Variants in CASKIN1 observed in about 807,000 individuals in gnomAD.
The protein encoded by CASKIN1 is caskin-1.
Under a neutral mutation model 117.5 loss-of-function variants are expected in CASKIN1, and 42 were observed. That is an observed-to-expected ratio of 0.36 (90% CI 0.28 to 0.46). The LOEUF (loss-of-function observed/expected upper bound fraction) is 0.46, where lower values mean the gene tolerates loss of function less well. Ranked by LOEUF, CASKIN1 falls within the 20% of genes least tolerant of loss-of-function variation. CASKIN1 has a pLI of 1.00. For synonymous variants in CASKIN1, 1,148 were observed against 961.7 expected (o/e 1.19, Z -3.59); for missense variants, 2,083 against 2,077.3 (o/e 1.00, Z -0.05).
In CASKIN1 at chr16:2,179,283, T is replaced by C; in HGVS notation, c.3818A>G (p.Lys1273Arg). ...GGGCGCTGTGGGCGGCGGCGGCGGCTTGGGAGACACGGGCGGTGGCGTGCC... is the reference window on the plus strand; with the variant it reads ...GGGCGCTGTGGGCGGCGGCGGCGGCCTGGGAGACACGGGCGGTGGCGTGCC... ...AHGTPPPVSP[K>R]PPPPPTAPKP... The change falls in exon 19 of 20, where the codon AAG becomes AGG. Residue 1273 changes from lysine to arginine, a missense_variant. By Grantham distance (26) the Lys-to-Arg change is conservative. Around this residue, in one of 3 missense-constraint regions of CASKIN1, gnomAD observed 1,818 missense variants for 1,688.9 expected, o/e 1.08. Coordinates refer to ENST00000343516, the MANE Select transcript of CASKIN1 (RefSeq NM_020764.4). The surrounding 1 kb of genome is among the most constrained non-coding windows in gnomAD (Gnocchi z 5.8). 2.5e-6 allele frequency: 3 copies of C among 1,222,280 alleles called. No homozygotes were observed. Among genetic ancestry groups the C allele is most frequent in the Non-Finnish European group, 3.1e-6 (3 of 982,436 alleles). 75.7% of individuals were successfully genotyped at this position (1,222,280 alleles called of 1,614,324 possible).
intron 10 of CASKIN1, among the ~76,000 whole-genome samples, chr16:2,186,488 G>A (rs977239760): frequency 6.6e-6 from 1 of 152,200 alleles, no homozygotes; most frequent in Non-Finnish European, 1.5e-5. Flanking sequence ...TTCAGAACCA[G>A]ACATGGCAGC....
rs1224358884 is a variant in CASKIN1, at chr16:2,183,937, G to C, written c.1421C>G (p.Ser474Cys). 6.3e-7 allele frequency: 1 copy of C among 1,599,276 alleles called. No homozygotes were observed. The highest frequency in any genetic ancestry group is 1.1e-5 in the South Asian group (1 of 90,740). Reference protein sequence around the residue: ...KLEPASEGKSSEAVSQWLTAF... With the variant: ...KLEPASEGKSCEAVSQWLTAF... ...GGTGAGCCACTGGCTCACGGCCTCA[G>C]AGCTCTGGAAGACACAAGGCACCCA... Residue 474 changes from serine to cysteine, a missense_variant, in exon 15 of 20, where the codon TCT becomes TGT. Ser to Cys is a moderately radical substitution (Grantham distance 112). Around this residue, in one of 3 missense-constraint regions of CASKIN1, gnomAD observed 1,818 missense variants for 1,688.9 expected, o/e 1.08. Coordinates refer to ENST00000343516, the MANE Select transcript of CASKIN1 (RefSeq NM_020764.4).
At chr16:2,191,163 A>G (rs1326792091) in intron 1 of CASKIN1, among the ~76,000 whole-genome samples, 2 of 152,190 alleles carry the variant, frequency 1.3e-5, no homozygotes, top group Admixed American at 6.5e-5. Context: ...TACATAACCC[A>G]TTTGTGGGTC....
At position 2,181,503 on chromosome 16, in the gene CASKIN1, GCCTTCCGGCGCAGGGGGC is replaced by G. The variant is rs1482512856; in HGVS notation, c.1847_1864del (p.Gly616_Lys621del). On this transcript the variant is annotated inframe_deletion, in exon 18 of 20. Coordinates refer to ENST00000343516, the MANE Select transcript of CASKIN1 (RefSeq NM_020764.4). Reference sequence around the variant, plus strand: ...GGCCATCACTTCAAGAGACTGGGGCGCCTTCCGGCGCAGGGGGCCCCCCTCATACTTGGCGTATTCAGC... The same window carrying G: ...GGCCATCACTTCAAGAGACTGGGGCGCCCCCTCATACTTGGCGTATTCAGC... 6.2e-7 allele frequency: 1 copy of G among 1,609,896 alleles called. No homozygotes were observed. The highest frequency in any genetic ancestry group is 8.5e-7 in the Non-Finnish European group (1 of 1,179,382).
Position 2,179,666 on chromosome 16 carries a change from C to A in CASKIN1, c.3702G>T (p.Gln1234His). Residue 1234 changes from glutamine to histidine, a missense_variant, in exon 18 of 20, where the codon CAG becomes CAT. Around this residue, in one of 3 missense-constraint regions of CASKIN1, gnomAD observed 1,818 missense variants for 1,688.9 expected, o/e 1.08. Coordinates refer to ENST00000343516, the MANE Select transcript of CASKIN1 (RefSeq NM_020764.4). The surrounding 1 kb of genome is among the most constrained non-coding windows in gnomAD (Gnocchi z 5.8). ...GCGAGCCCTGGAGCTTGGGCACAGG[C>A]TGCGTCAGGACGGGCTTGGGAGAGA... ...PPVSPKPVLT[Q>H]PVPKLQGSPT... 1.3e-6 allele frequency: 2 copies of A among 1,513,718 alleles called. No individual in the cohort carries two copies. Among genetic ancestry groups the A allele is most frequent in the Non-Finnish European group, 8.8e-7 (1 of 1,137,586 alleles). 93.8% of individuals were successfully genotyped at this position (1,513,718 alleles called of 1,614,324 possible). A position where few individuals can be genotyped will look rare whatever the true frequency, so the allele number is the denominator to read the frequency against.
intron 1 of CASKIN1, among the ~76,000 whole-genome samples, 188 bp from the exon 2 acceptor site, chr16:2,190,546 C>G (rs1187534916): frequency 6.6e-6 from 1 of 152,248 alleles, no homozygotes; most frequent in Non-Finnish European, 1.5e-5. Flanking sequence ...CCCCAGGTGC[C>G]AGCTGCTCGG....
At position 2,180,787 on chromosome 16, in the gene CASKIN1, G is replaced by T; in HGVS notation, c.2581C>A (p.Pro861Thr). 1 of 1,411,264 alleles carries T rather than the reference G, an allele frequency of 7.1e-7. No individual in the cohort carries two copies. Among genetic ancestry groups the T allele is most frequent in the Admixed American group, 3.2e-5 (1 of 30,898 alleles). 87.4% of individuals were successfully genotyped at this position (1,411,264 alleles called of 1,614,324 possible). ...PAPPPVPTAVPTLCLPPEADA... is the reference protein window; with the variant it reads ...PAPPPVPTAVTTLCLPPEADA... The stretch of plus-strand genomic sequence containing the variant: ...GCCTCAGGGGGCAGGCACAGTGTGG[G>T]CACAGCCGTCGGCACGGGTGGGGGC... Residue 861 changes from proline (P) to threonine (T), a missense_variant, in exon 18 of 20, where the codon CCC becomes ACC. Pro to Thr is a conservative substitution (Grantham distance 38). Around this residue, in one of 3 missense-constraint regions of CASKIN1, gnomAD observed 1,818 missense variants for 1,688.9 expected, o/e 1.08. Transcript: ENST00000343516.
Position 2,178,945 on chromosome 16 carries a change from C to T in CASKIN1, c.4156G>A (p.Ala1386Thr). 4 of 1,491,860 alleles carry T rather than the reference C, an allele frequency of 2.7e-6. No individual in the cohort carries two copies. The highest frequency in any genetic ancestry group is 3.5e-6 in the Non-Finnish European group (4 of 1,130,368). The allele number at this position is 1,491,860 out of a possible 1,614,324, so 92.4% of individuals were successfully genotyped here. The change falls in exon 19 of 20, where the codon GCG becomes ACG. Residue 1386 changes from alanine (A) to threonine (T), a missense_variant. Ala to Thr is a moderately conservative substitution (Grantham distance 58, BLOSUM62 0). This residue lies in a region of CASKIN1 where 1,818 missense variants were observed against 1,688.9 expected (regional missense o/e 1.08). Coordinates refer to ENST00000343516, the MANE Select transcript of CASKIN1 (RefSeq NM_020764.4). ...TCCTGCCGGATCTTCTCCTCCACCG[C>T]CTGCAGCGCCGCGGCCAGGCACGCG... is the stretch of plus-strand genomic sequence containing the variant. ...TSACLAAALQAVEEKIRQEDA... is the reference protein window; with the variant it reads ...TSACLAAALQTVEEKIRQEDA...
chr16:2,179,530 AC>A lies in CASKIN1; in HGVS notation c.3775+62del. 7.1e-7 allele frequency: 1 copy of A among 1,401,822 alleles called. No homozygotes were observed. The highest frequency in any genetic ancestry group is 1.5e-5 in the African/African-American group (1 of 66,754). 86.8% of individuals were successfully genotyped at this position (1,401,822 alleles called of 1,614,324 possible). On this transcript the variant is annotated intron_variant, in intron 18 of 19. Coordinates refer to ENST00000343516, the MANE Select transcript of CASKIN1 (RefSeq NM_020764.4). The surrounding 1 kb of genome is among the most constrained non-coding windows in gnomAD (Gnocchi z 5.8). ...ACCCAAGAAAAGGAAAACCCCTCAG[AC>A]CACCGAGTAAGGAGGTGGAGCAGGG...
At chr16:2,189,956 C>G (rs1238729443) in intron 3 of CASKIN1, 117 bp downstream of exon 3, 2 of 998,306 alleles carry the variant, frequency 2.0e-6, no homozygotes, top group African/African-American at 3.2e-5. Context: ...GAGGACCTGC[C>G]TGAAATCAGA....
rs1298086955 is a variant in CASKIN1, at chr16:2,179,856, T to C, written c.3512A>G (p.His1171Arg). The C allele has an allele frequency of 2.5e-6, 4 of 1,607,154 alleles. No individual in the cohort carries two copies. In the African/African-American group the frequency reaches 5.3e-5, roughly 21 times the overall value. The stretch of plus-strand genomic sequence containing the variant: ...GCGGCGCACGGTGCCAGTGCCATTA[T>C]GGTACACGGACAGTGGCGGTGGTGG... ...PEPPPPLSVY[H>R]NGTGTVRRRP... is the part of the protein sequence containing the mutation. The change falls in exon 18 of 20, where the codon CAT becomes CGT. Residue 1171 changes from histidine to arginine, a missense_variant. Transcript: ENST00000343516. The surrounding 1 kb of genome is among the most constrained non-coding windows in gnomAD (Gnocchi z 5.8).
At position 2,186,989 on chromosome 16, in the gene CASKIN1, C is replaced by T. The variant is rs1467263227; in HGVS notation, c.919G>A (p.Asp307Asn). ...GGGGCCATGCTTACTGTGATGATGT[C>T]CCCTGCCTTCACGTTGAGGCTGGTC... ...DLTSLNVKAG[D>N]IITVLEQHPD... The change falls in exon 9 of 20, where the codon GAC becomes AAC. Residue 307 changes from aspartate to asparagine, a missense_variant. Around this residue, in one of 3 missense-constraint regions of CASKIN1, gnomAD observed 1,818 missense variants for 1,688.9 expected, o/e 1.08. Transcript: ENST00000343516. 1 of 1,613,738 alleles carries T rather than the reference C, an allele frequency of 6.2e-7. No individual in the cohort carries two copies. The highest frequency in any genetic ancestry group is 1.7e-5 in the Admixed American group (1 of 60,012).
At position 2,181,532 on chromosome 16, in the gene CASKIN1, C is replaced by G. The variant is rs2093168102; in HGVS notation, c.1836G>C (p.Lys612Asn). The G allele has an allele frequency of 6.2e-7, 1 of 1,602,470 alleles. No individual in the cohort carries two copies. Among genetic ancestry groups the G allele is most frequent in the Admixed American group, 1.7e-5 (1 of 58,572 alleles). ...TCCGGCGCAGGGGGCCCCCCTCATA[C>G]TTGGCGTATTCAGCCTTCTGCAGCT... is the stretch of plus-strand genomic sequence containing the variant. Reference protein sequence around the residue: ...LAELQKAEYAKYEGGPLRRKA... With the variant: ...LAELQKAEYANYEGGPLRRKA... Residue 612 changes from lysine to asparagine, a missense_variant, in exon 18 of 20, where the codon AAG becomes AAC. Physicochemically the swap from Lys to Asn is moderately conservative, Grantham distance 94 (BLOSUM62 0). This residue lies in a region of CASKIN1 where 1,818 missense variants were observed against 1,688.9 expected (regional missense o/e 1.08). Transcript: ENST00000343516.
At chr16:2,195,817 A>AG (rs2093213997) in intron 1 of CASKIN1, among the ~76,000 whole-genome samples, 2 of 152,136 alleles carry the variant, frequency 1.3e-5, no homozygotes, top group Non-Finnish European at 2.9e-5. Context: ...CGGCCATGCC[A>AG]GGGCAGCCAC....
At position 2,180,152 on chromosome 16, in the gene CASKIN1, T is replaced by G. The variant is rs753677261; in HGVS notation, c.3216A>C (p.Gly1072=). The G allele has an allele frequency of 1.9e-6, 3 of 1,554,758 alleles. No individual in the cohort carries two copies. Among genetic ancestry groups the G allele is most frequent in the East Asian group, 2.4e-5 (1 of 41,180 alleles). ...GCCCCCGGCGGGCAGTGGCCAGAAG[T>G]CCGGTGACTGGCCCGCTGAGCGTGC... The part of the protein sequence containing the change: ...RRRTLSGPVT[G]LLATARRGPG... The change falls in exon 18 of 20, where the codon GGA becomes GGC. Residue 1072 remains glycine, a synonymous_variant. Transcript: ENST00000343516.
rs2093155777 is a variant in CASKIN1, at chr16:2,178,907, G to A, written c.4194C>T (p.Gly1398=). The change falls in exon 19 of 20, where the codon GGC becomes GGT. Residue 1398 remains glycine (G), a synonymous_variant. Transcript: ENST00000343516. Reference sequence around the variant, plus strand: ...AGGCCCCGCCCCGCACCTACCGCGGGCCCTGCGCGTCCTCCTGCCGGATCT... The same window carrying A: ...AGGCCCCGCCCCGCACCTACCGCGGACCCTGCGCGTCCTCCTGCCGGATCT... ...EEKIRQEDAQ[G]PRDSAAEKST... 6.8e-7 allele frequency: 1 copy of A among 1,468,848 alleles called. No individual in the cohort carries two copies. Among genetic ancestry groups the A allele is most frequent in the Non-Finnish European group, 8.9e-7 (1 of 1,120,084 alleles). 91.0% of individuals were successfully genotyped at this position (1,468,848 alleles called of 1,614,324 possible). A position where few individuals can be genotyped will look rare whatever the true frequency, so the allele number is the denominator to read the frequency against.
chr16:2,189,143 G>C lies in CASKIN1; in HGVS notation c.501C>G (p.Leu167=). ...EFGRVGVVQL[L]LSSNMCAALL... ...GCGCCGCACACATATTGCTGCTGAG[G>C]AGCAGCTGGACCACCTTGAAGGAGG... is the stretch of plus-strand genomic sequence containing the variant. The change falls in exon 6 of 20, where the codon CTC becomes CTG. Residue 167 remains leucine, a synonymous_variant. Transcript: ENST00000343516. 1.2e-6 allele frequency: 2 copies of C among 1,613,014 alleles called. No homozygotes were observed. The highest frequency in any genetic ancestry group is 8.5e-7 in the Non-Finnish European group (1 of 1,179,604).
In CASKIN1 at chr16:2,177,300, C is replaced by T. The variant is rs959696883; in HGVS notation, c.*1250G>A. The T allele has an allele frequency of 3.0e-5, 7 of 234,906 alleles. No individual in the cohort carries two copies. Among genetic ancestry groups the T allele is most frequent in the African/African-American group, 1.3e-4 (6 of 45,316 alleles). The allele number at this position is 234,906 out of a possible 1,614,324, so 14.6% of individuals were successfully genotyped here. Reference sequence around the variant, plus strand: ...AGAGGCCTGGGGGGACAGCTGGGCACGTCCACTCGCAGGGAAACACGGGGT... The same window carrying T: ...AGAGGCCTGGGGGGACAGCTGGGCATGTCCACTCGCAGGGAAACACGGGGT... On this transcript the variant is annotated 3_prime_UTR_variant, in exon 20 of 20. Coordinates refer to ENST00000343516, the MANE Select transcript of CASKIN1 (RefSeq NM_020764.4).
chr16:2,189,477 G>C lies in CASKIN1; in HGVS notation c.332C>G (p.Pro111Arg), dbSNP rs777541677. Residue 111 changes from proline to arginine, a missense_variant, in exon 4 of 20, where the codon CCG (proline) becomes CGG (arginine). Physicochemically the swap from Pro to Arg is moderately radical, Grantham distance 103. This residue lies in a region of CASKIN1 where 203 missense variants were observed against 338.7 expected (regional missense o/e 0.60). Coordinates refer to ENST00000343516, the MANE Select transcript of CASKIN1 (RefSeq NM_020764.4). ...VLKAGSAVNI[P>R]SDEGHIPLHL... Reference sequence around the variant, plus strand: ...CAGGGGGATGTGGCCCTCATCAGACGGGATGTTCACGGCCGAGCCCGCCTT... The same window carrying C: ...CAGGGGGATGTGGCCCTCATCAGACCGGATGTTCACGGCCGAGCCCGCCTT... 1 of 1,612,192 alleles carries C rather than the reference G, an allele frequency of 6.2e-7. No individual in the cohort carries two copies. Among genetic ancestry groups the C allele is most frequent in the Non-Finnish European group, 8.5e-7 (1 of 1,179,788 alleles).
Sources: allele counts gnomAD v4.1 joint callset (sites outside exome capture counted in the v4.1 genomes callset), GRCh38; gene constraint gnomAD v4.1.1; regional missense constraint gnomAD v4.1.1; non-coding constraint Gnocchi (gnomAD v3.1); transcripts MANE v1.5; gene names NCBI Gene and HGNC (gene_info 2026-07-23, HGNC 2026-07-21).